The following PAMR1 variants were observed in gnomAD, a reference collection of about 807,000 sequenced individuals.
The protein encoded by PAMR1 is inactive serine protease PAMR1.
Under a neutral mutation model 81.8 loss-of-function variants are expected in PAMR1, and 88 were observed. That is an observed-to-expected ratio of 1.08 (90% CI 0.91 to 1.28). PAMR1 has a LOEUF of 1.28. Among genes scored for constraint, PAMR1 ranks in the 50% most tolerant of loss-of-function variants. PAMR1 has a pLI of 0.00. For missense variants in PAMR1, 935 were observed against 919.7 expected (o/e 1.02, Z -0.21); for synonymous variants, 336 against 345.3 (o/e 0.97, Z 0.30).
At position 35,467,174 on chromosome 11, in the gene PAMR1, G is replaced by A. The variant is rs143305592; in HGVS notation, c.820+827C>T. Among the ~76,000 whole-genome samples, 106 of 152,220 alleles carry A rather than the reference G, an allele frequency of 7.0e-4. 1 individual carries two copies. The East Asian group carries it at 0.018, about 26-fold the overall frequency. On this transcript the variant is annotated intron_variant, in intron 6 of 10. Transcript: ENST00000619888. ...GAGTAATGTACATTCCAGATCTCAT[G>A]ACAGGTTAACACTGAGGTTGGTATT...
intron 1 of PAMR1, among the ~76,000 whole-genome samples, chr11:35,494,875 A>C (rs1850697366): frequency 6.6e-6 from 1 of 152,284 alleles, no homozygotes. Context: ...TTTCATCAAT[A>C]TATAATCTAG....
rs191153172 is a variant in PAMR1, at chr11:35,487,786, G to A, written c.379+4259C>T. ...GAACAAGAGTAAGGGGTCTGGAATC[G>A]TCCTGGGCTTTACCCCAAAGTGTAC... On this transcript the variant is annotated intron_variant, in intron 3 of 10. Transcript: ENST00000619888. Among the ~76,000 whole-genome samples, 5 of 152,308 alleles carry A rather than the reference G, an allele frequency of 3.3e-5. No individual in the cohort carries two copies. In the East Asian group the frequency reaches 9.6e-4, roughly 29 times the overall value.
chr11:35,437,368 AC>A (rs1322171777), intron 8 of PAMR1, among the ~76,000 whole-genome samples: 3 of 152,226 alleles, frequency 2.0e-5, no homozygotes, highest in African/African-American at 7.2e-5. Context: ...CACAATTTCC[AC>A]CCTGGTGTCC....
At chr11:35,459,272 G>C (rs1321077043) in intron 6 of PAMR1, among the ~76,000 whole-genome samples, 1 of 152,200 alleles carries the variant, frequency 6.6e-6, no homozygotes. Flanking sequence ...CTGTGCCTAA[G>C]AGACAGGTCA....
chr11:35,440,823 G>A (rs1856149431), intron 7 of PAMR1, among the ~76,000 whole-genome samples: 2 of 151,966 alleles, frequency 1.3e-5, no homozygotes, highest in Non-Finnish European at 2.9e-5. Context: ...TTTCTTTTCT[G>A]CTGTCTTCCA....
At chr11:35,492,829 C>T (rs1477978319) in intron 2 of PAMR1, among the ~76,000 whole-genome samples, 1 of 152,170 alleles carries the variant, frequency 6.6e-6, no homozygotes, top group African/African-American at 2.4e-5. Flanking sequence ...CCAACAAGGA[C>T]CAGTTTAAAA....
rs145367800 is a variant in PAMR1, at chr11:35,487,895, T to C, written c.379+4150A>G. Among the ~76,000 whole-genome samples the C allele has an allele frequency of 9.9e-3, 1,511 of 152,360 alleles. 13 individuals carry two copies. Among genetic ancestry groups the C allele is most frequent in the Non-Finnish European group, 0.017 (1,170 of 68,038 alleles). ...AGTATGTATTTTCATAGGGTGATTGTACAGATGAAACAAGACATGGCACAT... is the reference window on the plus strand; with the variant it reads ...AGTATGTATTTTCATAGGGTGATTGCACAGATGAAACAAGACATGGCACAT... On this transcript the variant is annotated intron_variant, in intron 3 of 10. Transcript: ENST00000619888.
At chr11:35,445,426 G>A (rs150018566) in intron 6 of PAMR1, among the ~76,000 whole-genome samples, 1,821 of 152,224 alleles carry the variant, frequency 0.012, 44 homozygotes, top group African/African-American at 0.041. Flanking sequence ...GCCAGTTTTC[G>A]ATGGGAATGC....
chr11:35,528,504 T>C (rs952926709), upstream of PAMR1, among the ~76,000 whole-genome samples: 5 of 152,228 alleles, frequency 3.3e-5, no homozygotes, highest in Admixed American at 1.3e-4. Flanking sequence ...TGAACCCAAA[T>C]TCTAACCATC....
chr11:35,529,073 A>G (rs528704111), upstream of PAMR1: 1 of 152,186 alleles, frequency 6.6e-6, no homozygotes, highest in African/African-American at 2.4e-5. Flanking sequence ...GTTTTCCTAC[A>G]CAAGTTTACC....
chr11:35,484,392 C>G (rs1358047875), intron 3 of PAMR1, among the ~76,000 whole-genome samples: 2 of 152,210 alleles, frequency 1.3e-5, no homozygotes, highest in Non-Finnish European at 2.9e-5. Context: ...AGCATCAGGA[C>G]ACAAAAGTCT....
chr11:35,440,492 A>G (rs1195338532), intron 7 of PAMR1, among the ~76,000 whole-genome samples: 1 of 152,202 alleles, frequency 6.6e-6, no homozygotes, highest in Non-Finnish European at 1.5e-5. Context: ...CCCATGATTC[A>G]GGTTGTTGAC....
chr11:35,473,093 T>G (rs1850218227), intron 4 of PAMR1, among the ~76,000 whole-genome samples: 1 of 152,004 alleles, frequency 6.6e-6, no homozygotes, highest in Non-Finnish European at 1.5e-5. Flanking sequence ...GAGCTGTGGA[T>G]GGACTATTTT....
Position 35,470,668 on chromosome 11 carries a change from G to A in PAMR1, c.645C>T (p.His215=), listed in dbSNP as rs368356300. Reference sequence around the variant, plus strand: ...TGGAGCCATCGGAGTGGAAGAGGACGTGGAGTGAGGATCCTATGCTCTGGA... The same window carrying A: ...TGGAGCCATCGGAGTGGAAGAGGACATGGAGTGAGGATCCTATGCTCTGGA... ...APIQSIGSSL[H]VLFHSDGSKN... Residue 215 remains histidine, a synonymous_variant, in exon 5 of 11, where the codon CAC becomes CAT. Transcript: ENST00000619888. 4.8e-5 allele frequency: 78 copies of A among 1,614,076 alleles called. No homozygotes were observed. The highest frequency in any genetic ancestry group is 1.6e-4 in the Middle Eastern group (1 of 6,084).
intron 6 of PAMR1, among the ~76,000 whole-genome samples, chr11:35,461,506 A>C (rs1856653916): frequency 6.6e-6 from 1 of 152,088 alleles, no homozygotes; most frequent in Non-Finnish European, 1.5e-5. Flanking sequence ...GTCAAGGCCC[A>C]TGGAGCCCAG....
At chr11:35,468,860 C>T (rs1278294024) in intron 5 of PAMR1, among the ~76,000 whole-genome samples, 1 of 152,176 alleles carries the variant, frequency 6.6e-6, no homozygotes. Flanking sequence ...TCCATCAATC[C>T]TACATTCATT....
rs377128224 is a variant in PAMR1, at chr11:35,456,142, T to A, written c.820+11859A>T. ...TAGGGAGAATAAATACATATATAAT[T>A]TTTTTTTCACTTGCACCAATTCTTA... On this transcript the variant is annotated intron_variant, in intron 6 of 10. Coordinates refer to ENST00000619888, the MANE Select transcript of PAMR1 (RefSeq NM_001001991.3). 7.2e-5 allele frequency among the ~76,000 whole-genome samples: 11 copies of A among 152,100 alleles called. No individual in the cohort carries two copies. In the East Asian group the frequency reaches 7.7e-4, roughly 11 times the overall value.
At chr11:35,475,001 G>C (rs1422839217) in intron 3 of PAMR1, among the ~76,000 whole-genome samples, 1 of 152,222 alleles carries the variant, frequency 6.6e-6, no homozygotes. Flanking sequence ...AAAACAGATA[G>C]ATGATCAGAG....
In PAMR1 at chr11:35,478,836, G is replaced by A. The variant is rs898552540; in HGVS notation, c.380-4092C>T. On this transcript the variant is annotated intron_variant, in intron 3 of 10. Coordinates refer to ENST00000619888, the MANE Select transcript of PAMR1 (RefSeq NM_001001991.3). ...AGAAGAGGGGTATAGGTGTGTGGGC[G>A]TGTGTGTGTGTGTGTGTGTGTCTGT... Among the ~76,000 whole-genome samples, 14 of 124,410 alleles carry A rather than the reference G, an allele frequency of 1.1e-4. No individual in the cohort carries two copies. The East Asian group carries it at 1.8e-3, about 16-fold the overall frequency. 81.6% of individuals were successfully genotyped at this position (124,410 alleles called of 152,430 possible). A position where few individuals can be genotyped will look rare whatever the true frequency, so the allele number is the denominator to read the frequency against.
Sources: gnomAD v4.1 joint callset for allele counts (sites outside exome capture counted in the v4.1 genomes callset) on GRCh38, gnomAD v4.1.1 for gene constraint, MANE v1.5 for transcripts, NCBI Gene and HGNC (gene_info 2026-07-23, HGNC 2026-07-21) for gene names.